TXNL4A: variants seen among roughly 807,000 people sequenced by gnomAD.
The protein encoded by TXNL4A is thioredoxin like 4A, also known as thioredoxin-like protein 4A.
A neutral mutation model predicts 14.6 loss-of-function variants in TXNL4A; 17 were observed. The ratio of observed to expected loss-of-function variants is 1.16; its 90% CI spans 0.80 to 1.74. TXNL4A has a LOEUF of 1.74. Ranked by LOEUF, TXNL4A falls within the 40% of genes most tolerant of loss-of-function variation. The probability of loss-of-function intolerance (pLI) is 0.00; values close to 1 mark genes in which losing one functional copy is unlikely to be tolerated. For missense variants in TXNL4A, 74 were observed against 195.2 expected, an observed-to-expected ratio of 0.38 and a Z score of 3.70; for synonymous variants, 83 against 70.6, an observed-to-expected ratio of 1.18 and a Z score of -0.88.
chr18:79,972,180 C>T lies in TXNL4A; in HGVS notation c.*1505G>A, dbSNP rs12607496. The T allele has an allele frequency of 0.11, 16,065 of 152,310 alleles. 1,101 individuals carry two copies. The highest frequency in any genetic ancestry group is 0.27 in the East Asian group (1,382 of 5,164). 9.4% of individuals were successfully genotyped at this position (152,310 alleles called of 1,614,324 possible). On this transcript the variant is annotated 3_prime_UTR_variant, in exon 3 of 3. Coordinates refer to ENST00000269601, the MANE Select transcript of TXNL4A (RefSeq NM_006701.5). ...CCACTCCTGTGCCCGGCAGGCACCA[C>T]GTGCTTCTGCGTCCACATCTGTGTG...
At chr18:80,008,863 C>T (rs1166254768) in intron 1 of TXNL4A, among the ~76,000 whole-genome samples, 5 of 152,208 alleles carry the variant, frequency 3.3e-5, no homozygotes, top group Non-Finnish European at 5.9e-5. Flanking sequence ...CTGCAACCTC[C>T]GCCTCCTGAG....
Position 80,006,784 on chromosome 18 carries a change from C to T in TXNL4A, c.-61+27067G>A, listed in dbSNP as rs918778751. On this transcript the variant is annotated intron_variant, in intron 1 of 2. Coordinates refer to the TXNL4A transcript ENST00000585474. Reference sequence around the variant, plus strand: ...CCCCTTTGCAACCAGATGGTTTTATCGATGAGCTTGAGAAGGTGGTGTCTG... The same window carrying T: ...CCCCTTTGCAACCAGATGGTTTTATTGATGAGCTTGAGAAGGTGGTGTCTG... 3.3e-5 allele frequency among the ~76,000 whole-genome samples: 5 copies of T among 152,214 alleles called. 1 individual carries two copies. In the East Asian group the frequency reaches 9.7e-4, roughly 29 times the overall value.
chr18:80,022,859 A>C (rs2051858831), intron 1 of TXNL4A, among the ~76,000 whole-genome samples: 1 of 152,154 alleles, frequency 6.6e-6, no homozygotes, highest in Admixed American at 6.5e-5. Context: ...ATGGATCCAG[A>C]GGAGGTAGTA....
At position 79,988,262 on chromosome 18, in the gene TXNL4A, A is replaced by C; in HGVS notation, c.131T>G (p.Val44Gly). 1.3e-6 allele frequency: 2 copies of C among 1,599,152 alleles called. No individual in the cohort carries two copies. The highest frequency in any genetic ancestry group is 1.7e-4 in the Middle Eastern group (1 of 5,988). Reference protein sequence around the residue: ...WDPTCMKMDEVLYSIAEKVKN... With the variant: ...WDPTCMKMDEGLYSIAEKVKN... ...TACCTTCTCGGCGATGCTGTACAGG[A>C]CCTCGTCCATCTTCATGCACGTAGG... Residue 44 changes from valine (V) to glycine (G), a missense_variant, in exon 1 of 3, where the codon GTC becomes GGC. By Grantham distance (109) the Val-to-Gly change is moderately radical. Coordinates refer to ENST00000269601, the MANE Select transcript of TXNL4A (RefSeq NM_006701.5).
At chr18:79,994,051 T>C (rs1215107477) in intron 1 of TXNL4A, among the ~76,000 whole-genome samples, 1 of 152,190 alleles carries the variant, frequency 6.6e-6, no homozygotes, top group Non-Finnish European at 1.5e-5. Context: ...CTTTAAATTA[T>C]GGGGAATGAG....
rs375363682 is a variant in TXNL4A, at chr18:80,012,861, G to T, written c.-61+20990C>A. ...TTTTTTTTTTTGGGACCGGGGTCCA[G>T]TGCGGAGTGCCCTTCCTCCTGGGAA... On this transcript the variant is annotated intron_variant, in intron 1 of 2. Transcript: ENST00000585474. Among the ~76,000 whole-genome samples, 51 of 150,648 alleles carry T rather than the reference G, an allele frequency of 3.4e-4. No individual in the cohort carries two copies. The East Asian group carries it at 8.5e-3, about 25-fold the overall frequency.
At chr18:79,984,824 T>TAC (rs1161987159) in intron 1 of TXNL4A, among the ~76,000 whole-genome samples, 1 of 152,152 alleles carries the variant, frequency 6.6e-6, no homozygotes, top group Non-Finnish European at 1.5e-5. Context: ...ACACAAAAAA[T>TAC]AAACGTCCCA....
At chr18:80,016,376 A>G (rs1464080798) in intron 1 of TXNL4A, among the ~76,000 whole-genome samples, 3 of 151,962 alleles carry the variant, frequency 2.0e-5, no homozygotes, top group Non-Finnish European at 4.4e-5. Context: ...ATTAGATCCC[A>G]TTTGTCAATT....
chr18:80,024,187 T>TA (rs34519443), intron 1 of TXNL4A, among the ~76,000 whole-genome samples: 36,102 of 148,558 alleles, frequency 0.24, 5,501 homozygotes, highest in Non-Finnish European at 0.35. Flanking sequence ...ATTCACTGTT[T>TA]AAAAAAAAAA....
intron 1 of TXNL4A, among the ~76,000 whole-genome samples, chr18:80,012,971 C>A (rs1735684651): frequency 6.6e-6 from 1 of 151,964 alleles, no homozygotes; most frequent in Non-Finnish European, 1.5e-5. Flanking sequence ...CTAAAGCATT[C>A]GTCGACGACC....
chr18:79,995,130 C>T (rs1230188273), intron 1 of TXNL4A: 1 of 152,278 alleles, frequency 6.6e-6, no homozygotes, highest in East Asian at 1.9e-4. Flanking sequence ...TCCTGCCTCC[C>T]GTAAAGATCC....
rs1840521097 is a variant in TXNL4A, at chr18:79,972,198, T to A, written c.*1487A>T. 2 of 152,238 alleles carry A rather than the reference T, an allele frequency of 1.3e-5. No homozygotes were observed. Among genetic ancestry groups the A allele is most frequent in the Non-Finnish European group, 2.9e-5 (2 of 68,064 alleles). 9.4% of individuals were successfully genotyped at this position (152,238 alleles called of 1,614,324 possible). On this transcript the variant is annotated 3_prime_UTR_variant, in exon 3 of 3. Transcript: ENST00000269601. ...GGCACCACGTGCTTCTGCGTCCACA[T>A]CTGTGTGCAGGGCAGACACTATTAT...
intron 1 of TXNL4A, among the ~76,000 whole-genome samples, chr18:80,004,044 G>C (rs907951886): frequency 6.6e-6 from 1 of 151,828 alleles, no homozygotes. Flanking sequence ...TAGGTCACTG[G>C]TCTCAAAGTC....
At chr18:80,032,519 A>C (rs994610705) in intron 1 of TXNL4A, among the ~76,000 whole-genome samples, 2 of 152,202 alleles carry the variant, frequency 1.3e-5, no homozygotes, top group Admixed American at 6.5e-5. Flanking sequence ...TTTTGCCCAC[A>C]AGGAGATTCC....
At chr18:80,020,730 T>G (rs1337931127) in intron 1 of TXNL4A, among the ~76,000 whole-genome samples, 1 of 152,200 alleles carries the variant, frequency 6.6e-6, no homozygotes, top group African/African-American at 2.4e-5. Flanking sequence ...GAGTTTATTT[T>G]ATAAGGCAGT....
chr18:79,992,926 T>C (rs2051637599), upstream of TXNL4A, among the ~76,000 whole-genome samples: 1 of 137,576 alleles, frequency 7.3e-6, no homozygotes, highest in Non-Finnish European at 1.6e-5. Flanking sequence ...ACCAAAGGCA[T>C]GAATGACTAT....
chr18:80,001,742 G>C (rs541281999), intron 1 of TXNL4A, among the ~76,000 whole-genome samples: 5 of 152,066 alleles, frequency 3.3e-5, no homozygotes, highest in Non-Finnish European at 7.4e-5. Flanking sequence ...CTCTAATTTC[G>C]AATGGCTGTA....
At position 80,023,681 on chromosome 18, in the gene TXNL4A, T is replaced by C. The variant is rs972893020; in HGVS notation, c.-61+10170A>G. 2.0e-5 allele frequency among the ~76,000 whole-genome samples: 3 copies of C among 152,236 alleles called. 1 individual carries two copies. The highest frequency in any genetic ancestry group is 2.0e-4 in the Admixed American group (3 of 15,280). On this transcript the variant is annotated intron_variant, in intron 1 of 2. Transcript: ENST00000585474. ...CATATGTTACCATGAATATTTATTATTGAGGGATAGAAGGGACCTTACTAG... is the reference window on the plus strand; with the variant it reads ...CATATGTTACCATGAATATTTATTACTGAGGGATAGAAGGGACCTTACTAG...
intron 1 of TXNL4A, among the ~76,000 whole-genome samples, chr18:79,997,129 A>G (rs2051668102): frequency 6.6e-6 from 1 of 152,126 alleles, no homozygotes; most frequent in South Asian, 2.1e-4. Flanking sequence ...TGTTAACTCC[A>G]GAAGTGGAGC....
Sources: allele counts gnomAD v4.1 joint callset (sites outside exome capture counted in the v4.1 genomes callset), GRCh38; gene constraint gnomAD v4.1.1; transcripts MANE v1.5; gene names NCBI Gene and HGNC (gene_info 2026-07-23, HGNC 2026-07-21).